Variants in MTUS2 observed in about 807,000 individuals in gnomAD.
MTUS2 encodes the protein microtubule-associated tumor suppressor candidate 2.
In MTUS2, 40 loss-of-function variants were observed where a neutral mutation model predicts 114.1. The observed-to-expected ratio is 0.35, with a 90% CI of 0.27 to 0.46. The LOEUF is 0.46. Among genes scored for constraint, MTUS2 ranks in the 20% least tolerant of loss-of-function variants. MTUS2 has a pLI of 1.00. For missense variants in MTUS2, 1,679 were observed against 1,705.4 expected, an observed-to-expected ratio of 0.98 and a Z score of 0.27; for synonymous variants, 688 against 672.0, an observed-to-expected ratio of 1.02 and a Z score of -0.37.
At chr13:28,874,236 C>T (rs1360601446) in intron 2 of MTUS2, among the ~76,000 whole-genome samples, 2 of 152,156 alleles carry the variant, frequency 1.3e-5, no homozygotes, top group African/African-American at 4.8e-5. Flanking sequence ...CTCCTGACCT[C>T]ATGATCTGCC....
chr13:29,486,917 C>T (rs532835245), intron 10 of MTUS2, among the ~76,000 whole-genome samples: 1 of 151,996 alleles, frequency 6.6e-6, no homozygotes. Flanking sequence ...ATTACTCCTG[C>T]AAGTCATACA....
intron 5 of MTUS2, among the ~76,000 whole-genome samples, chr13:29,216,794 G>A (rs1460092049): frequency 1.3e-5 from 2 of 152,152 alleles, no homozygotes; most frequent in Non-Finnish European, 2.9e-5. Context: ...AGACTGGAGC[G>A]TTTTCTATTC....
intron 2 of MTUS2, among the ~76,000 whole-genome samples, chr13:28,911,077 G>A (rs1268036949): frequency 3.3e-5 from 5 of 149,468 alleles, no homozygotes; most frequent in Admixed American, 6.7e-5. Context: ...GGGTTTCACC[G>A]TGTTATCCAG....
intron 4 of MTUS2, among the ~76,000 whole-genome samples, chr13:29,054,394 T>C (rs1565982064): frequency 6.6e-6 from 1 of 152,156 alleles, no homozygotes; most frequent in Non-Finnish European, 1.5e-5. Context: ...ACAGTGTCTT[T>C]CAAAGAGTAG....
At position 29,392,461 on chromosome 13, in the gene MTUS2, G is replaced by C. The variant is rs115014001; in HGVS notation, c.3117+32988G>C. Reference sequence around the variant, plus strand: ...ACAGAGCTGAACTCCCGACTCACAGGACACACAGCTGAGGAGACATCTCCT... The same window carrying C: ...ACAGAGCTGAACTCCCGACTCACAGCACACACAGCTGAGGAGACATCTCCT... On this transcript the variant is annotated intron_variant, in intron 8 of 15. Transcript: ENST00000612955. Among the ~76,000 whole-genome samples, 3 of 152,294 alleles carry C rather than the reference G, an allele frequency of 2.0e-5. No individual in the cohort carries two copies. The East Asian group carries it at 5.8e-4, about 29-fold the overall frequency.
At chr13:29,081,562 A>C (rs1187631653) in intron 4 of MTUS2, among the ~76,000 whole-genome samples, 4 of 147,872 alleles carry the variant, frequency 2.7e-5, no homozygotes, top group Admixed American at 6.7e-5. Flanking sequence ...GGAACTCCAA[A>C]GTGTTAGGTT....
chr13:29,093,289 A>G (rs1890044059), intron 4 of MTUS2, among the ~76,000 whole-genome samples: 1 of 152,166 alleles, frequency 6.6e-6, no homozygotes, highest in African/African-American at 2.4e-5. Flanking sequence ...CTAAAAATAC[A>G]AAAATTAGCT....
At chr13:29,245,887 C>T (rs979112697) in intron 5 of MTUS2, among the ~76,000 whole-genome samples, 6 of 151,920 alleles carry the variant, frequency 3.9e-5, no homozygotes, top group African/African-American at 1.2e-4. Flanking sequence ...TTAGAAGAGA[C>T]GGGGTTTCAC....
intron 7 of MTUS2, among the ~76,000 whole-genome samples, chr13:29,331,050 G>A (rs1181461189): frequency 6.6e-6 from 1 of 152,140 alleles, no homozygotes; most frequent in Non-Finnish European, 1.5e-5. Context: ...TCATGATACT[G>A]ATTCTTTCTG....
intron 5 of MTUS2, among the ~76,000 whole-genome samples, chr13:29,159,555 A>C (rs1454481881): frequency 6.6e-6 from 1 of 152,192 alleles, no homozygotes; most frequent in Non-Finnish European, 1.5e-5. Context: ...CCCTAAGAGG[A>C]TGAAAATATG....
chr13:29,427,333 A>T (rs897385683), intron 8 of MTUS2, among the ~76,000 whole-genome samples: 1 of 152,170 alleles, frequency 6.6e-6, no homozygotes, highest in Non-Finnish European at 1.5e-5. Context: ...TCAGTCAACA[A>T]TGTATATCAT....
At chr13:29,122,602 T>A (rs1566019749) in intron 5 of MTUS2, among the ~76,000 whole-genome samples, 1 of 152,276 alleles carries the variant, frequency 6.6e-6, no homozygotes, top group South Asian at 2.1e-4. Context: ...AGATGAGATT[T>A]GAGTGGGGAT....
intron 7 of MTUS2, among the ~76,000 whole-genome samples, chr13:29,348,099 T>C (rs1868889372): frequency 1.3e-5 from 2 of 152,140 alleles, no homozygotes; most frequent in South Asian, 4.2e-4. Flanking sequence ...ACATGACTGA[T>C]TCTTAACTCA....
At chr13:29,118,656 C>G (rs1022579858) in intron 5 of MTUS2, among the ~76,000 whole-genome samples, 7 of 152,056 alleles carry the variant, frequency 4.6e-5, no homozygotes, top group Admixed American at 6.5e-5. Flanking sequence ...GTGAGTGATC[C>G]CTGGAGAGCA....
chr13:29,140,257 TTTAG>T lies in MTUS2; in HGVS notation c.2644+39288_2644+39291del, dbSNP rs1892162761. On this transcript the variant is annotated intron_variant, in intron 5 of 15. Coordinates refer to ENST00000612955, the MANE Select transcript of MTUS2 (RefSeq NM_001033602.4). The stretch of plus-strand genomic sequence containing the variant: ...CGTTTAAATTTAGAGTCTTCAGACT[TTTAG>T]GAATAAGCCATGAAGAGGTGGATAC... Among the ~76,000 whole-genome samples, 2 of 152,156 alleles carry T rather than the reference TTTAG, an allele frequency of 1.3e-5. 1 individual carries two copies. The highest frequency in any genetic ancestry group is 4.1e-4 in the South Asian group (2 of 4,830).
At chr13:29,219,737 A>G (rs980011444) in intron 5 of MTUS2, among the ~76,000 whole-genome samples, 42 of 152,206 alleles carry the variant, frequency 2.8e-4, no homozygotes, top group Admixed American at 2.2e-3. Context: ...CCGCTTTTCC[A>G]TCAGTACTTG....
chr13:29,187,361 C>T (rs1406868852), intron 5 of MTUS2, among the ~76,000 whole-genome samples: 2 of 151,728 alleles, frequency 1.3e-5, no homozygotes, highest in Admixed American at 6.6e-5. Context: ...CTTGACAGAC[C>T]AAGAGAAATT....
intron 2 of MTUS2, among the ~76,000 whole-genome samples, chr13:28,842,915 C>T (rs542301912): frequency 4.6e-5 from 7 of 152,216 alleles, no homozygotes; most frequent in South Asian, 2.1e-4. Flanking sequence ...CTCCTTAGAA[C>T]CCCCTCTGGG....
chr13:28,861,211 C>T (rs1876958031), intron 2 of MTUS2, among the ~76,000 whole-genome samples: 1 of 152,128 alleles, frequency 6.6e-6, no homozygotes, highest in Non-Finnish European at 1.5e-5. Flanking sequence ...GAATGTAATA[C>T]TTTTAAAATG....
Sources: allele counts gnomAD v4.1 joint callset (sites outside exome capture counted in the v4.1 genomes callset), GRCh38; gene constraint gnomAD v4.1.1; transcripts MANE v1.5; gene names NCBI Gene and HGNC (gene_info 2026-07-23, HGNC 2026-07-21).